ROR1: variants seen among roughly 807,000 people sequenced by gnomAD.
ROR1 encodes ROR family WNT receptor 1.
A neutral mutation model predicts 78.8 loss-of-function variants in ROR1; 19 were observed. That is an observed-to-expected ratio of 0.24 (90% CI 0.17 to 0.35). The LOEUF (loss-of-function observed/expected upper bound fraction) is 0.35. Among genes scored for constraint, ROR1 ranks in the 10% least tolerant of loss-of-function variants. The pLI, the probability that ROR1 is intolerant of heterozygous loss-of-function variation, is 1.00. For synonymous variants in ROR1, 386 were observed against 433.6 expected (o/e 0.89, Z 1.36); for missense variants, 917 against 1,177.8 (o/e 0.78, Z 3.24).
At chr1:64,038,293 T>C (rs1409869446) in intron 2 of ROR1, among the ~76,000 whole-genome samples, 1 of 152,102 alleles carries the variant, frequency 6.6e-6, no homozygotes, top group East Asian at 1.9e-4. Flanking sequence ...CTGATAAAAG[T>C]CAGGGAACCA....
At chr1:63,836,521 T>C (rs1025667392) in intron 1 of ROR1, among the ~76,000 whole-genome samples, 2 of 152,214 alleles carry the variant, frequency 1.3e-5, no homozygotes, top group African/African-American at 4.8e-5. Flanking sequence ...TTGATGAGTA[T>C]AAAAAGGCCT....
intron 1 of ROR1, among the ~76,000 whole-genome samples, chr1:63,936,630 T>G (rs895148486): frequency 6.6e-6 from 1 of 152,192 alleles, no homozygotes; most frequent in African/African-American, 2.4e-5. Context: ...CTTGTCTACA[T>G]TCAAGTCACA....
rs3084945 is a variant in ROR1 at position 64,108,060 on chromosome 1, T to TTGTG, written c.483-29273_483-29270dup. Among the ~76,000 whole-genome samples, 32 of 146,538 alleles carry TTGTG rather than the reference T, an allele frequency of 2.2e-4. No homozygotes were observed. In the East Asian group the frequency reaches 3.5e-3, roughly 16 times the overall value. ...ACATCTGGATTTTTTTGTTTTCTTG[T>TTGTG]TGTGTGTGTGTGTGTGTGTGTGTGT... On this transcript the variant is annotated intron_variant, in intron 4 of 8. Coordinates refer to ENST00000371079, the MANE Select transcript of ROR1 (RefSeq NM_005012.4).
chr1:63,820,039 CTTCT>C (rs1644914714), intron 1 of ROR1, among the ~76,000 whole-genome samples: 2 of 152,164 alleles, frequency 1.3e-5, no homozygotes, highest in South Asian at 4.1e-4. Context: ...ACCCAAAACT[CTTCT>C]TTCTTTTAAT....
At position 64,178,949 on chromosome 1, in the gene ROR1, A is replaced by C; in HGVS notation, c.*94A>C. On this transcript the variant is annotated 3_prime_UTR_variant, in exon 9 of 9. Coordinates refer to ENST00000371079, the MANE Select transcript of ROR1 (RefSeq NM_005012.4). The surrounding 1 kb of genome is among the most constrained non-coding windows in gnomAD (Gnocchi z 4.3). ...ATGTTTTTATTAAAGTAAGGTTCTC[A>C]TTTAGCAGACATCGCAACAAGTACC... 18 of 945,136 alleles carry C rather than the reference A, an allele frequency of 1.9e-5. No homozygotes were observed. Among genetic ancestry groups the C allele is most frequent in the East Asian group, 5.8e-5 (2 of 34,634 alleles). The allele number at this position is 945,136 out of a possible 1,614,324, so 58.5% of individuals were successfully genotyped here.
At chr1:63,832,921 T>A (rs1644997507) in intron 1 of ROR1, among the ~76,000 whole-genome samples, 1 of 152,202 alleles carries the variant, frequency 6.6e-6, no homozygotes, top group Non-Finnish European at 1.5e-5. Flanking sequence ...CTCATCCACA[T>A]CTGCCATTAC....
At chr1:63,803,245 A>G (rs1257689473) in intron 1 of ROR1, among the ~76,000 whole-genome samples, 2 of 152,216 alleles carry the variant, frequency 1.3e-5, no homozygotes, top group African/African-American at 4.8e-5. Flanking sequence ...GTGGCTCCTA[A>G]TAATGACTCC....
intron 7 of ROR1, among the ~76,000 whole-genome samples, chr1:64,158,133 G>A (rs913396007): frequency 6.6e-6 from 1 of 152,180 alleles, no homozygotes; most frequent in Admixed American, 6.5e-5. Context: ...AAAAAGACAA[G>A]TATGTCTCGT....
At chr1:64,086,078 A>C (rs1647150321) in intron 4 of ROR1, among the ~76,000 whole-genome samples, 1 of 152,166 alleles carries the variant, frequency 6.6e-6, no homozygotes, top group South Asian at 2.1e-4. Flanking sequence ...CACCTGTCCA[A>C]ATTTCTACCC....
At chr1:63,818,909 T>G (rs1644908337) in intron 1 of ROR1, among the ~76,000 whole-genome samples, 1 of 152,034 alleles carries the variant, frequency 6.6e-6, no homozygotes. Flanking sequence ...GAGACTATGG[T>G]GTGATTTCTC....
intron 1 of ROR1, among the ~76,000 whole-genome samples, chr1:63,919,488 CTTTTTT>C (rs10644304): frequency 8.2e-6 from 1 of 122,190 alleles, no homozygotes; most frequent in Non-Finnish European, 1.7e-5. Flanking sequence ...ATTGAATTGG[CTTTTTT>C]TTTTTTTTTT....
At chr1:64,089,900 G>A (rs1399614471) in intron 4 of ROR1, among the ~76,000 whole-genome samples, 1 of 152,032 alleles carries the variant, frequency 6.6e-6, no homozygotes, top group Non-Finnish European at 1.5e-5. Context: ...CCCCCATACT[G>A]TTCTCGTCAT....
chr1:64,137,420 T>C lies in ROR1; in HGVS notation c.534T>C (p.Cys178=). Residue 178 remains cysteine (C), a synonymous_variant, in exon 5 of 9, where the codon TGT becomes TGC. Transcript: ENST00000371079. The stretch of plus-strand genomic sequence containing the variant: ...GTCAGCCATACAGAGGGATTGCATG[T>C]GCAAGATTTATTGGCAACCGCACCG... ...GFCQPYRGIA[C]ARFIGNRTVY... The C allele has an allele frequency of 6.2e-7, 1 of 1,614,054 alleles. No individual in the cohort carries two copies. Among genetic ancestry groups the C allele is most frequent in the Non-Finnish European group, 8.5e-7 (1 of 1,179,902 alleles).
In ROR1 at chr1:64,180,875, G is replaced by A. The variant is rs972753762; in HGVS notation, c.*2020G>A. Reference sequence around the variant, plus strand: ...GGTAAAACATTATTATGGTTAAAAAGTAAATTCAAGTTAGTTTTTTATAAA... The same window carrying A: ...GGTAAAACATTATTATGGTTAAAAAATAAATTCAAGTTAGTTTTTTATAAA... On this transcript the variant is annotated 3_prime_UTR_variant, in exon 9 of 9. Transcript: ENST00000371079. 3.3e-5 allele frequency: 5 copies of A among 152,026 alleles called. No homozygotes were observed. The highest frequency in any genetic ancestry group is 7.4e-5 in the Non-Finnish European group (5 of 67,932). The allele number at this position is 152,026 out of a possible 1,614,324, so 9.4% of individuals were successfully genotyped here.
chr1:64,162,150 C>G (rs555334136), intron 8 of ROR1, among the ~76,000 whole-genome samples: 1 of 152,336 alleles, frequency 6.6e-6, no homozygotes, highest in East Asian at 1.9e-4. Context: ...AGAAGCCAGT[C>G]TGCCCTAGCC....
chr1:63,907,004 C>T (rs1645534640), intron 1 of ROR1, among the ~76,000 whole-genome samples: 1 of 152,036 alleles, frequency 6.6e-6, no homozygotes, highest in Non-Finnish European at 1.5e-5. Context: ...AAATGATCGC[C>T]CCAGAAATGA....
Position 64,140,446 on chromosome 1 carries a change from C to G in ROR1, c.928+20C>G. The G allele has an allele frequency of 6.2e-7, 1 of 1,605,874 alleles. No individual in the cohort carries two copies. Among genetic ancestry groups the G allele is most frequent in the Non-Finnish European group, 8.5e-7 (1 of 1,174,022 alleles). On this transcript the variant is annotated intron_variant, in intron 6 of 8. Transcript: ENST00000371079. Reference sequence around the variant, plus strand: ...ATAAAAGTAAGTGGTAGCCCCTGACCTTCTGTGCTCTTCTAAGGGTCAGCA... The same window carrying G: ...ATAAAAGTAAGTGGTAGCCCCTGACGTTCTGTGCTCTTCTAAGGGTCAGCA...
Position 63,845,423 on chromosome 1 carries a change from C to T in ROR1, c.91+70915C>T, listed in dbSNP as rs565212112. Among the ~76,000 whole-genome samples the T allele has an allele frequency of 5.4e-3, 818 of 152,242 alleles. 9 individuals carry two copies. The highest frequency in any genetic ancestry group is 0.019 in the African/African-American group (780 of 41,530). ...CTAACCCTACTAGTAGTAGTGGTAACTACTATACAATAGTATTTGGAGTAT... is the reference window on the plus strand; with the variant it reads ...CTAACCCTACTAGTAGTAGTGGTAATTACTATACAATAGTATTTGGAGTAT... On this transcript the variant is annotated intron_variant, in intron 1 of 8. Transcript: ENST00000371079.
chr1:63,952,638 AAAGGTACCTTTGC>A (rs1263856620), intron 1 of ROR1, among the ~76,000 whole-genome samples: 1 of 152,156 alleles, frequency 6.6e-6, no homozygotes, highest in East Asian at 1.9e-4. Flanking sequence ...ATGAGGTTGC[AAAGGTACCTTTGC>A]CTGAAGCATG....
Sources: gnomAD v4.1 joint callset for allele counts (sites outside exome capture counted in the v4.1 genomes callset) on GRCh38, gnomAD v4.1.1 for gene constraint, Gnocchi (gnomAD v3.1) non-coding constraint, MANE v1.5 for transcripts, NCBI Gene and HGNC (gene_info 2026-07-23, HGNC 2026-07-21) for gene names.